Variants in LATS1 observed in about 807,000 individuals in gnomAD.
LATS1 encodes large tumor suppressor kinase 1, also known as serine/threonine-protein kinase LATS1.
A neutral mutation model predicts 106.6 loss-of-function variants in LATS1; 25 were observed. The ratio of observed to expected loss-of-function variants is 0.23; its 90% CI spans 0.17 to 0.33. The LOEUF (loss-of-function observed/expected upper bound fraction) is 0.33. Among genes scored for constraint, LATS1 ranks in the 10% least tolerant of loss-of-function variants. The pLI is 1.00. For missense variants in LATS1, 1,040 were observed against 1,382.6 expected, an observed-to-expected ratio of 0.75 and a Z score of 3.93; for synonymous variants, 465 against 455.6, an observed-to-expected ratio of 1.02 and a Z score of -0.26.
At chr6:149,693,442 T>C (rs1782888412) in intron 3 of LATS1, among the ~76,000 whole-genome samples, 1 of 151,642 alleles carries the variant, frequency 6.6e-6, no homozygotes, top group Admixed American at 6.6e-5. Context: ...AAACCCCATC[T>C]CTACTAAAAA....
Position 149,701,840 on chromosome 6 carries a change from C to G in LATS1, c.287G>C (p.Arg96Pro). The change falls in exon 2 of 8, where the codon CGG becomes CCG. Residue 96 changes from arginine to proline, a missense_variant. Physicochemically the swap from Arg to Pro is moderately radical, Grantham distance 103. Around this residue, in one of 7 missense-constraint regions of LATS1, gnomAD observed 624 missense variants for 714.8 expected, o/e 0.87. Coordinates refer to ENST00000543571, the MANE Select transcript of LATS1 (RefSeq NM_004690.4). ...TTGTGGATTAACTTCTGAAGTACTC[C>G]GAGAAGAATTTGTTTCATTTGCAAA... The part of the protein sequence containing the change: ...LPFANETNSS[R>P]STSEVNPQML... 1.2e-6 allele frequency: 2 copies of G among 1,614,096 alleles called. No homozygotes were observed. Among genetic ancestry groups the G allele is most frequent in the South Asian group, 2.2e-5 (2 of 91,078 alleles).
chr6:149,700,655 A>G (rs1027771157), intron 2 of LATS1, among the ~76,000 whole-genome samples: 1 of 152,236 alleles, frequency 6.6e-6, no homozygotes, highest in Non-Finnish European at 1.5e-5. Flanking sequence ...AGGAATTTTA[A>G]GAGTAGTTAT....
At position 149,709,057 on chromosome 6, in the gene LATS1, G is replaced by A. The variant is rs536606516; in HGVS notation, c.-140-6791C>T. Among the ~76,000 whole-genome samples, 4 of 152,228 alleles carry A rather than the reference G, an allele frequency of 2.6e-5. No individual in the cohort carries two copies. In the South Asian group the frequency reaches 8.3e-4, roughly 32 times the overall value. ...TTGTTGGCATGGGAAACTGGAGGTG[G>A]GCTAACTGATGTAAACCAAAAATAA... is the stretch of plus-strand genomic sequence containing the variant. On this transcript the variant is annotated intron_variant, in intron 1 of 7. Coordinates refer to ENST00000543571, the MANE Select transcript of LATS1 (RefSeq NM_004690.4).
Position 149,683,060 on chromosome 6 carries a change from A to G in LATS1, c.2010+19T>C. On this transcript the variant is annotated intron_variant, in intron 4 of 7. Coordinates refer to ENST00000543571, the MANE Select transcript of LATS1 (RefSeq NM_004690.4). ...AACAGATGATTAAGTATAAAAATGG[A>G]CATTTTAAAAGGTTTTACCCGCATC... The G allele has an allele frequency of 6.3e-7, 1 of 1,577,320 alleles. No homozygotes were observed. Among genetic ancestry groups the G allele is most frequent in the Non-Finnish European group, 8.6e-7 (1 of 1,156,340 alleles).
Position 149,704,482 on chromosome 6 carries a change from G to GT in LATS1, c.-140-2217dup, listed in dbSNP as rs923882037. Among the ~76,000 whole-genome samples the GT allele has an allele frequency of 3.4e-3, 459 of 136,630 alleles. 3 individuals are homozygous for GT. The highest frequency in any genetic ancestry group is 9.5e-3 in the East Asian group (36 of 3,796). 89.6% of individuals were successfully genotyped at this position (136,630 alleles called of 152,430 possible). ...ACACTTTAAATGGGTAAACTTAGGG[G>GT]TTTTTTTTTTGTTTTTTTTTTTGAG... On this transcript the variant is annotated intron_variant, in intron 1 of 7. Coordinates refer to ENST00000543571, the MANE Select transcript of LATS1 (RefSeq NM_004690.4).
intron 4 of LATS1, 63 bp downstream of exon 4, chr6:149,683,016 T>G: frequency 7.5e-7 from 1 of 1,330,494 alleles, no homozygotes; most frequent in Non-Finnish European, 1.0e-6. Flanking sequence ...ACACAATATT[T>G]TAAAATAAAC....
At chr6:149,681,939 C>G (rs542980219) in intron 4 of LATS1, among the ~76,000 whole-genome samples, 3 of 152,114 alleles carry the variant, frequency 2.0e-5, no homozygotes, top group African/African-American at 7.2e-5. Flanking sequence ...ATGGTGAAAC[C>G]CCGCCTCTAC....
intron 3 of LATS1, among the ~76,000 whole-genome samples, chr6:149,688,465 C>A (rs566776387): frequency 6.6e-6 from 1 of 152,032 alleles, no homozygotes; most frequent in East Asian, 2.0e-4. Flanking sequence ...CCCACCACCA[C>A]GCCTGGCTAA....
chr6:149,676,725 C>T lies in LATS1; in HGVS notation c.2606G>A (p.Arg869Gln), dbSNP rs542611119. The T allele has an allele frequency of 1.7e-4, 268 of 1,612,008 alleles. 7 individuals are homozygous for T. In the South Asian group the frequency reaches 2.6e-3, roughly 16 times the overall value. Residue 869 changes from arginine to glutamine, a missense_variant, in exon 6 of 8, where the codon CGG (arginine) becomes CAG (glutamine). Arg to Gln is a conservative substitution (Grantham distance 43). Around this residue, in one of 7 missense-constraint regions of LATS1, gnomAD observed 63 missense variants for 64.3 expected, o/e 0.98. Transcript: ENST00000543571. Reference sequence around the variant, plus strand: ...ATTACTGAAATCCATGCTATCTTGCCGTGGATGGTCACCTGCACAACAAAA... The same window carrying T: ...ATTACTGAAATCCATGCTATCTTGCTGTGGATGGTCACCTGCACAACAAAA... The part of the protein sequence containing the change: ...SKYYQSGDHP[R>Q]QDSMDFSNEW...
intron 1 of LATS1, among the ~76,000 whole-genome samples, chr6:149,705,368 C>T (rs1201158890): frequency 6.6e-6 from 1 of 152,124 alleles, no homozygotes; most frequent in Non-Finnish European, 1.5e-5. Context: ...AGTGAAGATA[C>T]TTTCTATATT....
At chr6:149,671,126 G>T (rs200221278) in intron 7 of LATS1, among the ~76,000 whole-genome samples, 3 of 49,000 alleles carry the variant, frequency 6.1e-5, no homozygotes, top group Admixed American at 3.4e-4. Context: ...TTGTTTTTTT[G>T]TTTGTTTGTT....
chr6:149,665,085 G>A (rs1285913055), intron 7 of LATS1, among the ~76,000 whole-genome samples: 2 of 152,198 alleles, frequency 1.3e-5, no homozygotes, highest in Admixed American at 6.5e-5. Context: ...GGGGCTGGGT[G>A]CAGTGGCTCA....
intron 2 of LATS1, among the ~76,000 whole-genome samples, chr6:149,697,352 G>C (rs73608631): frequency 6.6e-6 from 1 of 152,072 alleles, no homozygotes; most frequent in African/African-American, 2.4e-5. Flanking sequence ...CCTTATCTAG[G>C]TACTGGTCCT....
intron 7 of LATS1, among the ~76,000 whole-genome samples, chr6:149,664,109 C>T (rs141323234): frequency 4.7e-5 from 7 of 148,902 alleles, no homozygotes; most frequent in Non-Finnish European, 1.0e-4. Flanking sequence ...TGTGCCTGGC[C>T]AAGTTTAATA....
chr6:149,708,064 G>C (rs1783886539), intron 1 of LATS1, among the ~76,000 whole-genome samples: 1 of 152,032 alleles, frequency 6.6e-6, no homozygotes, highest in African/African-American at 2.4e-5. Context: ...GAATGGTTCT[G>C]CTACAAATTC....
At chr6:149,668,608 ATT>A (rs35989414) in intron 7 of LATS1, among the ~76,000 whole-genome samples, 112 of 141,928 alleles carry the variant, frequency 7.9e-4, no homozygotes, top group Admixed American at 1.6e-3. Flanking sequence ...ATGCCCAGCT[ATT>A]TTTTTTTTTT....
rs370557266 is a variant in LATS1, at chr6:149,660,021, T to C, written c.*1708A>G. The stretch of plus-strand genomic sequence containing the variant: ...TTATATAAGATGTGCTGAGTAGTGA[T>C]TGGTAAGTTAAAAACAAAGTTCTTA... On this transcript the variant is annotated 3_prime_UTR_variant, in exon 8 of 8. Transcript: ENST00000543571. 1.4e-4 allele frequency: 32 copies of C among 232,308 alleles called. No homozygotes were observed. Among genetic ancestry groups the C allele is most frequent in the East Asian group, 1.0e-3 (17 of 16,378 alleles). The allele number at this position is 232,308 out of a possible 1,614,324, so 14.4% of individuals were successfully genotyped here.
Position 149,702,019 on chromosome 6 carries a change from T to C in LATS1, c.108A>G (p.Glu36=), listed in dbSNP as rs1783492464. Residue 36 remains glutamate (E), a synonymous_variant, in exon 2 of 8, where the codon GAA becomes GAG. Coordinates refer to ENST00000543571, the MANE Select transcript of LATS1 (RefSeq NM_004690.4). ...SSRQMLQEIR[E]SLRNLSKPSD... is the part of the protein sequence containing the mutation. ...ATGGTTTAGATAAATTCCTAAGGGATTCCCGAATTTCTTGTAACATTTGCC... is the reference window on the plus strand; with the variant it reads ...ATGGTTTAGATAAATTCCTAAGGGACTCCCGAATTTCTTGTAACATTTGCC... 1.2e-6 allele frequency: 2 copies of C among 1,614,034 alleles called. No individual in the cohort carries two copies. Among genetic ancestry groups the C allele is most frequent in the African/African-American group, 2.7e-5 (2 of 74,924 alleles).
chr6:149,692,916 T>C (rs1169573775), intron 3 of LATS1, among the ~76,000 whole-genome samples: 1 of 151,796 alleles, frequency 6.6e-6, no homozygotes, highest in Non-Finnish European at 1.5e-5. Flanking sequence ...TCAGGTGATC[T>C]GCCCGCCTTG....
Sources: allele counts gnomAD v4.1 joint callset (sites outside exome capture counted in the v4.1 genomes callset), GRCh38; gene constraint gnomAD v4.1.1; regional missense constraint gnomAD v4.1.1; transcripts MANE v1.5; gene names NCBI Gene and HGNC (gene_info 2026-07-23, HGNC 2026-07-21).